The following CFAP141 variants were observed in gnomAD, a reference collection of about 807,000 sequenced individuals.
CFAP141 encodes cilia and flagella associated protein 141, also known as cilia- and flagella-associated protein 141.
chr1:154,204,674 G>A, the CFAP141 span, among the ~76,000 whole-genome samples: 1 of 151,664 alleles, frequency 6.6e-6, no homozygotes, highest in Admixed American at 6.6e-5. Context: ...TGATCCTCCT[G>A]CTTCAGTCTC....
At chr1:154,200,311 A>T in the CFAP141 span, 1 of 760,956 alleles carries the variant, frequency 1.3e-6, no homozygotes, top group Non-Finnish European at 2.1e-6. Context: ...CAATGGAGTT[A>T]GAGTTGTGTT....
chr1:154,199,992 G>A, the CFAP141 span, among the ~76,000 whole-genome samples: 60 of 151,940 alleles, frequency 3.9e-4, no homozygotes, highest in Non-Finnish European at 7.5e-4. Flanking sequence ...CTCGTGCCTC[G>A]GCCTCCCAAG....
the CFAP141 span, among the ~76,000 whole-genome samples, chr1:154,201,495 C>T: frequency 6.6e-6 from 1 of 152,010 alleles, no homozygotes; most frequent in East Asian, 1.9e-4. Flanking sequence ...TCAAGTGATC[C>T]TCCTGCCTCA....
At chr1:154,199,580 T>C in the CFAP141 span, 1 of 1,076,532 alleles carries the variant, frequency 9.3e-7, no homozygotes, top group Non-Finnish European at 1.4e-6. Flanking sequence ...TTACCACCCT[T>C]TCTTATTCTT....
chr1:154,201,264 G>C, the CFAP141 span, among the ~76,000 whole-genome samples: 1 of 152,140 alleles, frequency 6.6e-6, no homozygotes, highest in Non-Finnish European at 1.5e-5. Flanking sequence ...TTGAGTAGCT[G>C]GGATTACAGG....
chr1:154,200,015 T>C, the CFAP141 span, among the ~76,000 whole-genome samples: 23 of 152,266 alleles, frequency 1.5e-4, no homozygotes, highest in African/African-American at 5.3e-4. Context: ...GCTGGGATTA[T>C]AGGCAAGTGC....
the CFAP141 span, chr1:154,205,711 T>A: frequency 3.4e-6 from 4 of 1,188,082 alleles, no homozygotes; most frequent in Non-Finnish European, 4.8e-6. Context: ...ACATAGACCT[T>A]TTTTTTTTTT....
Sources: allele counts gnomAD v4.1 joint callset (sites outside exome capture counted in the v4.1 genomes callset), GRCh38; gene constraint gnomAD v4.1.1; transcripts MANE v1.5; gene names NCBI Gene and HGNC (gene_info 2026-07-23, HGNC 2026-07-21).